Variants in MEI1 observed in about 807,000 individuals in gnomAD.
MEI1 encodes meiosis inhibitor protein 1.
Under a neutral mutation model 146.2 loss-of-function variants are expected in MEI1, and 103 were observed. That is an observed-to-expected ratio of 0.70 (90% CI 0.60 to 0.83). MEI1 has a LOEUF of 0.83. Among genes scored for constraint, MEI1 ranks in the 40% least tolerant of loss-of-function variants. The pLI is 0.00. For missense variants in MEI1, 1,529 were observed against 1,533.0 expected (o/e 1.00, Z 0.04); for synonymous variants, 652 against 628.2 (o/e 1.04, Z -0.57).
intron 11 of MEI1, 29 bp from the exon 12 acceptor site, chr22:41,743,051 T>A (rs1326961358): frequency 3.2e-6 from 5 of 1,565,148 alleles, no homozygotes; most frequent in Non-Finnish European, 3.5e-6. Context: ...TGCCTTACCG[T>A]GAACCTGCTT....
intron 2 of MEI1, among the ~76,000 whole-genome samples, chr22:41,705,022 T>C (rs1410391679): frequency 2.0e-5 from 3 of 151,908 alleles, no homozygotes; most frequent in Admixed American, 6.6e-5. Context: ...CCAATTGTTA[T>C]CTTTTTAAAG....
chr22:41,735,440 G>A (rs1273324411), intron 11 of MEI1, among the ~76,000 whole-genome samples: 4 of 152,056 alleles, frequency 2.6e-5, no homozygotes, highest in Admixed American at 2.6e-4. Context: ...CTCCATGTTG[G>A]GCGGGCTGGT....
rs546162751 is a variant in MEI1, at chr22:41,799,187, T to C, written c.3780-67T>C. The C allele has an allele frequency of 4.8e-5, 71 of 1,488,150 alleles. 1 individual carries two copies. In the East Asian group the frequency reaches 1.5e-3, roughly 32 times the overall value. The allele number at this position is 1,488,150 out of a possible 1,614,324, so 92.2% of individuals were successfully genotyped here. A position where few individuals can be genotyped will look rare whatever the true frequency, so the allele number is the denominator to read the frequency against. On this transcript the variant is annotated intron_variant, in intron 30 of 30. Transcript: ENST00000401548. ...GACCATTCTTGACTGTTTTGGGCTCTGGAAGTGTGATGCCCCCATGGTTGG... is the reference window on the plus strand; with the variant it reads ...GACCATTCTTGACTGTTTTGGGCTCCGGAAGTGTGATGCCCCCATGGTTGG...
intron 6 of MEI1, among the ~76,000 whole-genome samples, chr22:41,720,199 G>C (rs144543755): frequency 6.6e-6 from 1 of 152,124 alleles, no homozygotes; most frequent in Middle Eastern, 3.4e-3. Flanking sequence ...GTCCTAAATT[G>C]GGGGGGAGAG....
intron 8 of MEI1, 25 bp from the exon 9 acceptor site, chr22:41,730,493 ATTG>A (rs781129196): frequency 6.0e-6 from 9 of 1,497,438 alleles, no homozygotes; most frequent in Admixed American, 1.7e-5. Context: ...GCTGTCATTT[ATTG>A]TTTTCTCATC....
At chr22:41,794,222 C>T in intron 27 of MEI1, 149 bp from the exon 28 acceptor site, 1 of 701,566 alleles carries the variant, frequency 1.4e-6, no homozygotes, top group South Asian at 1.8e-5. Context: ...ATTAGAAGCC[C>T]AGGGAAGAAA....
At chr22:41,764,884 C>A (rs1370735078) in intron 19 of MEI1, among the ~76,000 whole-genome samples, 2 of 152,186 alleles carry the variant, frequency 1.3e-5, no homozygotes, top group African/African-American at 4.8e-5. Context: ...GAGCTGGAGT[C>A]CGACTCCCGC....
intron 11 of MEI1, among the ~76,000 whole-genome samples, chr22:41,734,643 TA>T (rs1428109178): frequency 6.6e-6 from 1 of 152,202 alleles, no homozygotes; most frequent in Non-Finnish European, 1.5e-5. Flanking sequence ...ATGCTGTATT[TA>T]AAATTTTTTT....
chr22:41,730,190 C>G (rs1415529014), intron 8 of MEI1, among the ~76,000 whole-genome samples: 1 of 152,124 alleles, frequency 6.6e-6, no homozygotes, highest in Non-Finnish European at 1.5e-5. Flanking sequence ...AAAGTCAAGT[C>G]TCTCTGACTC....
chr22:41,707,904 A>G (rs2069216369), intron 3 of MEI1, among the ~76,000 whole-genome samples: 1 of 152,234 alleles, frequency 6.6e-6, no homozygotes, highest in African/African-American at 2.4e-5. Context: ...TCTGGAGCTC[A>G]AAGACAATAG....
intron 16 of MEI1, among the ~76,000 whole-genome samples, 193 bp downstream of exon 16, chr22:41,752,844 G>T (rs952092526): frequency 6.6e-6 from 1 of 152,148 alleles, no homozygotes; most frequent in Non-Finnish European, 1.5e-5. Flanking sequence ...AACGTGGTAA[G>T]GATCTTATTC....
chr22:41,797,862 A>T (rs1020175301), intron 30 of MEI1, among the ~76,000 whole-genome samples: 2 of 152,132 alleles, frequency 1.3e-5, no homozygotes, highest in Non-Finnish European at 2.9e-5. Flanking sequence ...AAAGCACCAA[A>T]AACAGCTCCT....
chr22:41,766,104 G>A (rs1038190988), intron 19 of MEI1, among the ~76,000 whole-genome samples: 9 of 151,660 alleles, frequency 5.9e-5, no homozygotes, highest in African/African-American at 2.2e-4. Context: ...TATTAGCCAG[G>A]ATGGTCTTGA....
intron 3 of MEI1, among the ~76,000 whole-genome samples, chr22:41,711,789 G>A (rs936818629): frequency 6.6e-6 from 1 of 152,178 alleles, no homozygotes; most frequent in Non-Finnish European, 1.5e-5. Flanking sequence ...TGATTGTAGA[G>A]AAGGGTGGGT....
intron 28 of MEI1, 102 bp downstream of exon 28, chr22:41,794,579 G>A (rs1038970494): frequency 1.1e-6 from 1 of 924,800 alleles, no homozygotes; most frequent in Non-Finnish European, 1.7e-6. Context: ...AATCCTTAAA[G>A]AAGGTGGAAG....
intron 15 of MEI1, among the ~76,000 whole-genome samples, chr22:41,751,467 GC>G (rs5845510): frequency 0.18 from 27,016 of 152,052 alleles, 7,381 homozygotes; most frequent in African/African-American, 0.59. Context: ...AAAGGCCTGG[GC>G]CAGGGTCAAC....
At chr22:41,786,067 C>T (rs1351447376) in intron 26 of MEI1, among the ~76,000 whole-genome samples, 3 of 148,944 alleles carry the variant, frequency 2.0e-5, no homozygotes, top group African/African-American at 4.9e-5. Flanking sequence ...CCCGCTACCA[C>T]GCCCGGCTAA....
chr22:41,700,367 G>A (rs1415470963), intron 1 of MEI1, among the ~76,000 whole-genome samples: 1 of 152,208 alleles, frequency 6.6e-6, no homozygotes, highest in Non-Finnish European at 1.5e-5. Context: ...GTCTCGCTCT[G>A]ACACCCAGGC....
intron 13 of MEI1, 144 bp downstream of exon 13, chr22:41,745,208 G>A: frequency 1.8e-6 from 1 of 550,310 alleles, no homozygotes. Flanking sequence ...GGTAGGGGTT[G>A]GGGGTGTGTG....
Sources: gnomAD v4.1 joint callset for allele counts (sites outside exome capture counted in the v4.1 genomes callset) on GRCh38, gnomAD v4.1.1 for gene constraint, MANE v1.5 for transcripts, NCBI Gene and HGNC (gene_info 2026-07-23, HGNC 2026-07-21) for gene names.